Variants in CACNB2 observed in about 807,000 individuals in gnomAD.
CACNB2 encodes voltage-dependent L-type calcium channel subunit beta-2.
Under a neutral mutation model 73.3 loss-of-function variants are expected in CACNB2, and 42 were observed. That is an observed-to-expected ratio of 0.57 (90% CI 0.45 to 0.74). CACNB2 has a LOEUF of 0.74. CACNB2 is among the 30% of genes least tolerant of loss of function. The pLI is 0.00. For missense variants in CACNB2, 940 were observed against 853.0 expected (o/e 1.10, Z -1.27); for synonymous variants, 348 against 310.3 (o/e 1.12, Z -1.28).
At chr10:18,448,017 G>C (rs1187026089) in intron 3 of CACNB2, among the ~76,000 whole-genome samples, 1 of 152,020 alleles carries the variant, frequency 6.6e-6, no homozygotes, top group East Asian at 1.9e-4. Flanking sequence ...ATAGAGATAG[G>C]GTCTTGCTCT....
At chr10:18,475,353 A>G (rs929338579) in intron 3 of CACNB2, among the ~76,000 whole-genome samples, 6 of 152,094 alleles carry the variant, frequency 3.9e-5, no homozygotes, top group African/African-American at 1.4e-4. Context: ...ACACTTTAAT[A>G]TTACGGTTGG....
intron 2 of CACNB2, among the ~76,000 whole-genome samples, chr10:18,363,985 T>C (rs569422320): frequency 1.3e-5 from 2 of 151,510 alleles, no homozygotes; most frequent in African/African-American, 4.8e-5. Flanking sequence ...GTTTTGCTCG[T>C]TGCCTAGGCT....
chr10:18,235,327 G>A (rs2036398306), intron 2 of CACNB2, among the ~76,000 whole-genome samples: 1 of 151,498 alleles, frequency 6.6e-6, no homozygotes, highest in African/African-American at 2.4e-5. Context: ...GCACAGCAGT[G>A]CATGCTTGTA....
chr10:18,379,742 A>C (rs916570241), intron 2 of CACNB2, among the ~76,000 whole-genome samples: 4 of 152,204 alleles, frequency 2.6e-5, no homozygotes, highest in Admixed American at 6.5e-5. Context: ...CTTGGAGTGC[A>C]GTGATGCGAT....
intron 2 of CACNB2, among the ~76,000 whole-genome samples, chr10:18,320,469 A>G (rs1420225736): frequency 5.9e-5 from 9 of 152,206 alleles, no homozygotes; most frequent in Non-Finnish European, 1.0e-4. Flanking sequence ...TAGTGCTTAA[A>G]ACATAGCTTA....
chr10:18,270,880 A>G (rs994428147), intron 2 of CACNB2, among the ~76,000 whole-genome samples: 1 of 152,186 alleles, frequency 6.6e-6, no homozygotes, highest in African/African-American at 2.4e-5. Context: ...CAGACACTCA[A>G]GACGTAATGG....
chr10:18,445,891 G>A (rs1471208520), intron 3 of CACNB2, among the ~76,000 whole-genome samples: 5 of 152,124 alleles, frequency 3.3e-5, no homozygotes, highest in African/African-American at 4.8e-5. Flanking sequence ...AAAATTAGCT[G>A]GGCGTGGTGG....
At chr10:18,301,789 C>G (rs1011208226) in intron 2 of CACNB2, among the ~76,000 whole-genome samples, 2 of 151,904 alleles carry the variant, frequency 1.3e-5, no homozygotes, top group Non-Finnish European at 1.5e-5. Context: ...GCTGGGATTA[C>G]AGGCATCTGC....
At chr10:18,287,557 A>C (rs1328849967) in intron 2 of CACNB2, among the ~76,000 whole-genome samples, 1 of 152,028 alleles carries the variant, frequency 6.6e-6, no homozygotes, top group Admixed American at 6.6e-5. Context: ...AAGCCTGGAA[A>C]TTCAAAAACA....
At chr10:18,455,408 A>C (rs1269082371) in intron 3 of CACNB2, among the ~76,000 whole-genome samples, 2 of 152,306 alleles carry the variant, frequency 1.3e-5, no homozygotes, top group Non-Finnish European at 2.9e-5. Context: ...GTGTTTGAAG[A>C]TTCCTGGAGA....
intron 3 of CACNB2, among the ~76,000 whole-genome samples, chr10:18,405,522 G>C (rs926454986): frequency 2.0e-5 from 3 of 152,132 alleles, no homozygotes; most frequent in Admixed American, 6.5e-5. Flanking sequence ...GAGTGAAATT[G>C]CTGGGTCACT....
At chr10:18,514,916 T>C in intron 7 of CACNB2, 1 of 1,088,318 alleles carries the variant, frequency 9.2e-7, no homozygotes, top group Non-Finnish European at 1.4e-6. Flanking sequence ...GATACATAGC[T>C]TGTACTAAAA....
At chr10:18,224,163 C>T (rs1466224649) in intron 2 of CACNB2, 3 of 151,996 alleles carry the variant, frequency 2.0e-5, no homozygotes, top group Non-Finnish European at 2.9e-5. Context: ...AACCTCTTAG[C>T]GAAAGTCTCT....
chr10:18,344,937 TCAGA>T (rs1187785844), intron 2 of CACNB2, among the ~76,000 whole-genome samples: 1 of 152,240 alleles, frequency 6.6e-6, no homozygotes, highest in African/African-American at 2.4e-5. Flanking sequence ...ACTGCAGTGT[TCAGA>T]CAGTTGTGGG....
chr10:18,328,791 TGTGAACCAAAC>T (rs746982152), intron 2 of CACNB2, among the ~76,000 whole-genome samples: 5 of 152,254 alleles, frequency 3.3e-5, no homozygotes, highest in Non-Finnish European at 7.3e-5. Flanking sequence ...GAGCTATTTG[TGTGAACCAAAC>T]GTAACCCTAG....
intron 2 of CACNB2, among the ~76,000 whole-genome samples, chr10:18,266,660 G>A (rs1224851403): frequency 1.3e-5 from 2 of 152,148 alleles, no homozygotes. Flanking sequence ...AGGCCGAGAT[G>A]AGCAGATAAC....
chr10:18,175,140 T>G (rs1404917110), intron 2 of CACNB2, among the ~76,000 whole-genome samples: 3 of 152,170 alleles, frequency 2.0e-5, no homozygotes, highest in Non-Finnish European at 4.4e-5. Flanking sequence ...TCTTAGGATA[T>G]TCCAGGTTTC....
At chr10:18,410,098 C>T (rs1201840994) in intron 3 of CACNB2, among the ~76,000 whole-genome samples, 1 of 152,146 alleles carries the variant, frequency 6.6e-6, no homozygotes, top group East Asian at 1.9e-4. Context: ...AGTTCCACCT[C>T]CTTGCCAGGG....
At chr10:18,467,774 G>C (rs1407075764) in intron 3 of CACNB2, among the ~76,000 whole-genome samples, 1 of 152,076 alleles carries the variant, frequency 6.6e-6, no homozygotes, top group African/African-American at 2.4e-5. Context: ...CCCTCCCCAG[G>C]CACAGTCTAT....
Sources: allele counts gnomAD v4.1 joint callset (sites outside exome capture counted in the v4.1 genomes callset), GRCh38; gene constraint gnomAD v4.1.1; transcripts MANE v1.5; gene names NCBI Gene and HGNC (gene_info 2026-07-23, HGNC 2026-07-21).